SOX5: variants seen among roughly 807,000 people sequenced by gnomAD.
SOX5 encodes the protein SRY-box transcription factor 5.
In SOX5, 9 loss-of-function variants were observed where a neutral mutation model predicts 92.0. The observed-to-expected ratio is 0.10, with a 90% CI of 0.06 to 0.17. The LOEUF is 0.17. Among genes scored for constraint, SOX5 ranks in the 10% least tolerant of loss-of-function variants. SOX5 has a pLI of 1.00. For missense variants in SOX5, 642 were observed against 944.5 expected, an observed-to-expected ratio of 0.68 and a Z score of 4.20; for synonymous variants, 344 against 336.3, an observed-to-expected ratio of 1.02 and a Z score of -0.25.
At chr12:24,016,107 G>A (rs374416198) in intron 4 of SOX5, among the ~76,000 whole-genome samples, 3 of 152,294 alleles carry the variant, frequency 2.0e-5, no homozygotes, top group Admixed American at 6.5e-5. Flanking sequence ...CGGGAGAATG[G>A]TGCAGCTAAC....
At chr12:24,363,934 T>G (rs1195293867) in intron 2 of SOX5, among the ~76,000 whole-genome samples, 1 of 152,200 alleles carries the variant, frequency 6.6e-6, no homozygotes, top group Non-Finnish European at 1.5e-5. Context: ...CAGGAAAGAA[T>G]GGATTTAAAA....
intron 1 of SOX5, among the ~76,000 whole-genome samples, chr12:24,449,852 T>C (rs1186351706): frequency 6.6e-6 from 1 of 152,148 alleles, no homozygotes; most frequent in Non-Finnish European, 1.5e-5. Context: ...CTTGTGCCCC[T>C]CAGTCCTTTG....
At chr12:23,949,898 C>T (rs974060322), upstream of SOX5, among the ~76,000 whole-genome samples, 4 of 151,322 alleles carry the variant, frequency 2.6e-5, no homozygotes, top group African/African-American at 9.7e-5. Context: ...CCCCCCTCCG[C>T]GGAGCCACAC....
chr12:24,552,518 T>C (rs950149301), intron 1 of SOX5, among the ~76,000 whole-genome samples: 1 of 152,256 alleles, frequency 6.6e-6, no homozygotes, highest in Non-Finnish European at 1.5e-5. Flanking sequence ...ACTGGCTGAC[T>C]GGATGATCAC....
chr12:23,835,524 A>C (rs2096399814), intron 3 of SOX5, among the ~76,000 whole-genome samples: 1 of 151,730 alleles, frequency 6.6e-6, no homozygotes, highest in African/African-American at 2.4e-5. Context: ...GTTTTTTCTT[A>C]AGGTACCCTC....
At chr12:24,464,357 C>G (rs1280678990) in intron 1 of SOX5, among the ~76,000 whole-genome samples, 4 of 148,652 alleles carry the variant, frequency 2.7e-5, no homozygotes, top group African/African-American at 1.0e-4. Flanking sequence ...GAGTCTCACT[C>G]TGTCACCCAG....
At chr12:23,746,444 T>C (rs1274272371) in intron 4 of SOX5, among the ~76,000 whole-genome samples, 1 of 152,190 alleles carries the variant, frequency 6.6e-6, no homozygotes, top group Non-Finnish European at 1.5e-5. Context: ...CTGAGTCAGA[T>C]AGCTAATGTC....
intron 3 of SOX5, among the ~76,000 whole-genome samples, chr12:23,769,908 A>G (rs2094869016): frequency 6.6e-6 from 1 of 152,022 alleles, no homozygotes; most frequent in African/African-American, 2.4e-5. Flanking sequence ...TTATAATACC[A>G]CCTTCTTACT....
chr12:23,631,032 A>C (rs767134394), intron 8 of SOX5, among the ~76,000 whole-genome samples: 4 of 152,024 alleles, frequency 2.6e-5, no homozygotes, highest in Non-Finnish European at 5.9e-5. Context: ...CTATGTTACA[A>C]GTTGTATGTA....
At chr12:23,700,462 A>T (rs1265203373) in intron 6 of SOX5, among the ~76,000 whole-genome samples, 1 of 152,084 alleles carries the variant, frequency 6.6e-6, no homozygotes, top group African/African-American at 2.4e-5. Flanking sequence ...AGCACTTTTA[A>T]CCAAAAACTA....
intron 4 of SOX5, among the ~76,000 whole-genome samples, chr12:24,129,650 A>T (rs1949456406): frequency 6.6e-6 from 1 of 152,248 alleles, no homozygotes; most frequent in Non-Finnish European, 1.5e-5. Context: ...CCTGAGCCTC[A>T]GATAATAAAT....
intron 6 of SOX5, among the ~76,000 whole-genome samples, chr12:23,716,153 C>T (rs1045602954): frequency 6.6e-6 from 1 of 152,084 alleles, no homozygotes; most frequent in African/African-American, 2.4e-5. Flanking sequence ...ACTTAGTGTG[C>T]TTATATGCAA....
At position 24,381,551 on chromosome 12, in the gene SOX5, G is replaced by C. The variant is rs975751516; in HGVS notation, c.-250-12912C>G. ...ACCTTATAGCCAGTGGATGGGGTGA[G>C]AGCATGTTTTTCTAAAAAAATCTCA... On this transcript the variant is annotated intron_variant, in intron 1 of 4. Coordinates refer to the SOX5 transcript ENST00000446891. 4.6e-5 allele frequency among the ~76,000 whole-genome samples: 7 copies of C among 152,276 alleles called. No individual in the cohort carries two copies. In the East Asian group the frequency reaches 1.2e-3, roughly 25 times the overall value.
chr12:23,873,328 C>G (rs549757575), intron 2 of SOX5, among the ~76,000 whole-genome samples: 2 of 152,022 alleles, frequency 1.3e-5, no homozygotes, highest in South Asian at 4.2e-4. Context: ...AGAAAATAAA[C>G]CAGGCATGGT....
chr12:23,970,841 A>ATATATATATATATATATATATATATAT lies in SOX5; in HGVS notation c.-1-74818_-1-74817insATATATATATATATATATATATATATA. 2.7e-4 allele frequency among the ~76,000 whole-genome samples: 6 copies of ATATATATATATATATATATATATATAT among 21,882 alleles called. 1 individual carries two copies. Among genetic ancestry groups the ATATATATATATATATATATATATATAT allele is most frequent in the African/African-American group, 7.5e-4 (6 of 8,040 alleles). 14.4% of individuals were successfully genotyped at this position (21,882 alleles called of 152,430 possible). ...ACATGGGACTTTATATATATATATA[A>ATATATATATATATATATATATATATAT]TTTTTTTTTTTTTTTAAGAAATGGG... On this transcript the variant is annotated intron_variant, in intron 4 of 4. Coordinates refer to the SOX5 transcript ENST00000446891.
chr12:24,206,267 T>C (rs771001845), intron 4 of SOX5, among the ~76,000 whole-genome samples: 2 of 152,250 alleles, frequency 1.3e-5, no homozygotes, highest in Non-Finnish European at 2.9e-5. Context: ...AAAGCTTCTT[T>C]TCTGCATTGC....
chr12:23,831,544 C>G (rs2096320544), intron 3 of SOX5, among the ~76,000 whole-genome samples: 1 of 152,010 alleles, frequency 6.6e-6, no homozygotes, highest in African/African-American at 2.4e-5. Context: ...AGGGTGAAGG[C>G]TTGAGGTCTG....
chr12:24,445,665 T>G (rs936324365), intron 1 of SOX5, among the ~76,000 whole-genome samples: 3 of 152,220 alleles, frequency 2.0e-5, no homozygotes, highest in Non-Finnish European at 4.4e-5. Context: ...GTAACAGTCA[T>G]ATTCATAGAG....
chr12:23,949,758 C>A, upstream of SOX5: 1 of 779,504 alleles, frequency 1.3e-6, no homozygotes, highest in Non-Finnish European at 1.9e-6. Context: ...CTCTCCCTCT[C>A]TCTCTCTGTC....
Sources: allele counts gnomAD v4.1 joint callset (sites outside exome capture counted in the v4.1 genomes callset), GRCh38; gene constraint gnomAD v4.1.1; transcripts MANE v1.5; gene names NCBI Gene and HGNC (gene_info 2026-07-23, HGNC 2026-07-21).